KAZN: variants seen among roughly 807,000 people sequenced by gnomAD.
KAZN encodes kazrin, periplakin interacting protein, also known as kazrin.
In KAZN, 40 loss-of-function variants were observed where a neutral mutation model predicts 87.4. The ratio of observed to expected loss-of-function variants is 0.46; its 90% confidence interval spans 0.36 to 0.60. The LOEUF (loss-of-function observed/expected upper bound fraction) is 0.60, where lower values mean the gene tolerates loss of function less well. KAZN is among the 20% of genes least tolerant of loss of function. KAZN has a pLI of 0.00. For synonymous variants in KAZN, 466 were observed against 458.3 expected (o/e 1.02, Z -0.22); for missense variants, 898 against 1,073.9 (o/e 0.84, Z 2.29).
intron 2 of KAZN, among the ~76,000 whole-genome samples, chr1:14,546,382 A>G (rs1301965262): frequency 6.6e-6 from 1 of 152,208 alleles, no homozygotes; most frequent in Non-Finnish European, 1.5e-5. Context: ...ATAGTACTTA[A>G]GAAAAATAAC....
At chr1:14,380,906 A>C (rs536196886) in intron 2 of KAZN, among the ~76,000 whole-genome samples, 1 of 152,256 alleles carries the variant, frequency 6.6e-6, no homozygotes, top group South Asian at 2.1e-4. Context: ...AACCCAAAGA[A>C]GACTACATCA....
At chr1:15,037,747 C>T (rs1032062526) in intron 3 of KAZN, among the ~76,000 whole-genome samples, 11 of 152,068 alleles carry the variant, frequency 7.2e-5, no homozygotes, top group Admixed American at 2.6e-4. Context: ...ACGAAGGCCC[C>T]GGGTGGGCAG....
chr1:13,897,385 C>T (rs988280940), intron 1 of KAZN, among the ~76,000 whole-genome samples: 7 of 152,164 alleles, frequency 4.6e-5, no homozygotes, highest in Non-Finnish European at 5.9e-5. Flanking sequence ...GAGTGTGGCT[C>T]TGAAAGATGC....
At chr1:14,332,685 A>G (rs1656937272) in intron 2 of KAZN, among the ~76,000 whole-genome samples, 1 of 151,916 alleles carries the variant, frequency 6.6e-6, no homozygotes, top group South Asian at 2.1e-4. Context: ...CTAGACTTGG[A>G]CTCCAACATC....
In KAZN at chr1:15,066,539, C is replaced by T. The variant is rs965373327; in HGVS notation, c.1222+786C>T. The T allele has an allele frequency of 5.1e-6, 5 of 985,158 alleles. No individual in the cohort carries two copies. The highest frequency in any genetic ancestry group is 6.1e-5 in the Admixed American group (1 of 16,266). 61.0% of individuals were successfully genotyped at this position (985,158 alleles called of 1,614,324 possible). A position where few individuals can be genotyped will look rare whatever the true frequency, so the allele number is the denominator to read the frequency against. ...AAACGGCCTACCAGTTTTTAAATTG[C>T]ATTGCCGTTTCTTTCTTTATGAAAA... On this transcript the variant is annotated intron_variant, in intron 8 of 14. Coordinates refer to ENST00000376030, the MANE Select transcript of KAZN (RefSeq NM_201628.3). The surrounding 1 kb of genome is among the most constrained non-coding windows in gnomAD (Gnocchi z 4.3).
chr1:14,841,043 CA>C (rs1213108852), intron 1 of KAZN, among the ~76,000 whole-genome samples: 1 of 152,122 alleles, frequency 6.6e-6, no homozygotes, highest in African/African-American at 2.4e-5. Context: ...GCATCAACAA[CA>C]AGTGTAAAGG....
intron 1 of KAZN, among the ~76,000 whole-genome samples, chr1:14,713,853 G>T (rs1442324327): frequency 2.0e-5 from 3 of 151,540 alleles, no homozygotes; most frequent in Admixed American, 2.0e-4. Flanking sequence ...CTGTTTGAGG[G>T]GCCGAGCGGG....
At chr1:14,331,010 G>C (rs144112709) in intron 2 of KAZN, among the ~76,000 whole-genome samples, 144 of 152,290 alleles carry the variant, frequency 9.5e-4, no homozygotes, top group African/African-American at 3.3e-3. Flanking sequence ...TGTTAGCTGG[G>C]TCTGTGGCTT....
intron 1 of KAZN, among the ~76,000 whole-genome samples, chr1:14,772,778 A>G (rs1354484939): frequency 1.3e-5 from 2 of 152,028 alleles, no homozygotes; most frequent in African/African-American, 4.8e-5. Flanking sequence ...CTAACCATGG[A>G]TTGATCTTAA....
intron 1 of KAZN, among the ~76,000 whole-genome samples, chr1:14,951,698 G>T (rs1474177179): frequency 6.6e-6 from 1 of 151,878 alleles, no homozygotes; most frequent in South Asian, 2.1e-4. Context: ...GGCTGACCTC[G>T]AACTCCTGAC....
At chr1:14,187,391 C>T (rs142409173) in intron 2 of KAZN, among the ~76,000 whole-genome samples, 2 of 152,220 alleles carry the variant, frequency 1.3e-5, no homozygotes, top group Non-Finnish European at 2.9e-5. Context: ...GTTCAGCTTC[C>T]AAGAATATGG....
chr1:14,262,586 C>A (rs1412010211), intron 2 of KAZN, among the ~76,000 whole-genome samples: 1 of 152,202 alleles, frequency 6.6e-6, no homozygotes, highest in African/African-American at 2.4e-5. Context: ...GATGGGTCAC[C>A]TGCCTTGAAC....
intron 1 of KAZN, among the ~76,000 whole-genome samples, chr1:14,064,711 C>T (rs1456440064): frequency 1.3e-5 from 2 of 152,210 alleles, no homozygotes; most frequent in Non-Finnish European, 2.9e-5. Context: ...AGAGGCCCTG[C>T]CTGGCAAACA....
In KAZN at chr1:14,976,031, CAA is replaced by C. The variant is rs1162988294; in HGVS notation, c.418+15177_418+15178del. Reference sequence around the variant, plus strand: ...TGGGCGACTGAGCGAGACTCCGTCTCAAAAAAAAAAAAAAAAAAAAAAGCAAA... The same window carrying C: ...TGGGCGACTGAGCGAGACTCCGTCTCAAAAAAAAAAAAAAAAAAAAGCAAA... On this transcript the variant is annotated intron_variant, in intron 2 of 14. Coordinates refer to ENST00000376030, the MANE Select transcript of KAZN (RefSeq NM_201628.3). Among the ~76,000 whole-genome samples the C allele has an allele frequency of 6.5e-3, 553 of 85,456 alleles. 1 individual carries two copies. The highest frequency in any genetic ancestry group is 0.028 in the South Asian group (59 of 2,122). The allele number at this position is 85,456 out of a possible 152,430, so 56.1% of individuals were successfully genotyped here. A position where few individuals can be genotyped will look rare whatever the true frequency, so the allele number is the denominator to read the frequency against.
intron 2 of KAZN, among the ~76,000 whole-genome samples, chr1:14,569,260 G>A (rs1674713852): frequency 6.7e-6 from 1 of 149,954 alleles, no homozygotes; most frequent in African/African-American, 2.5e-5. Flanking sequence ...ATGTCTTGAT[G>A]CAAGTTTCCA....
intron 2 of KAZN, among the ~76,000 whole-genome samples, chr1:14,583,377 C>T (rs189993212): frequency 6.6e-6 from 1 of 152,300 alleles, no homozygotes; most frequent in African/African-American, 2.4e-5. Flanking sequence ...GTGCCAGCCA[C>T]GAGAACACCT....
At position 14,726,441 on chromosome 1, in the gene KAZN, C is replaced by T. The variant is rs144567959; in HGVS notation, c.226+127218C>T. Among the ~76,000 whole-genome samples, 238 of 152,264 alleles carry T rather than the reference C, an allele frequency of 1.6e-3. 1 individual carries two copies. The highest frequency in any genetic ancestry group is 5.5e-3 in the African/African-American group (229 of 41,540). On this transcript the variant is annotated intron_variant, in intron 1 of 14. Coordinates refer to ENST00000376030, the MANE Select transcript of KAZN (RefSeq NM_201628.3). ...ATCTCAGCAGGTGTGGAGCGGCTTCCGGGTGTGTGCTCTCCCCCAGGGATC... is the reference window on the plus strand; with the variant it reads ...ATCTCAGCAGGTGTGGAGCGGCTTCTGGGTGTGTGCTCTCCCCCAGGGATC...
chr1:14,815,301 C>T (rs944394740), intron 1 of KAZN, among the ~76,000 whole-genome samples: 3 of 152,104 alleles, frequency 2.0e-5, no homozygotes, highest in East Asian at 1.9e-4. Context: ...GGGTGCTGGG[C>T]GCTCCCTGAG....
chr1:14,981,546 C>T (rs552255980), intron 2 of KAZN, among the ~76,000 whole-genome samples: 1 of 152,344 alleles, frequency 6.6e-6, no homozygotes, highest in Admixed American at 6.5e-5. Context: ...TGCATGCAAC[C>T]CCATCTCTGG....
Sources: gnomAD v4.1 joint callset for allele counts (sites outside exome capture counted in the v4.1 genomes callset) on GRCh38, gnomAD v4.1.1 for gene constraint, Gnocchi (gnomAD v3.1) non-coding constraint, MANE v1.5 for transcripts, NCBI Gene and HGNC (gene_info 2026-07-23, HGNC 2026-07-21) for gene names.